The following AKAP8 variants were observed in gnomAD, a reference collection of about 807,000 sequenced individuals.
The protein encoded by AKAP8 is A-kinase anchoring protein 8.
Under a neutral mutation model 67.5 loss-of-function variants are expected in AKAP8, and 24 were observed. The ratio of observed to expected loss-of-function variants is 0.36; its 90% confidence interval spans 0.26 to 0.50. The LOEUF is 0.50. Ranked by LOEUF, AKAP8 falls within the 20% of genes least tolerant of loss-of-function variation. The probability of loss-of-function intolerance (pLI) is 0.97; values close to 1 mark genes in which losing one functional copy is unlikely to be tolerated. For synonymous variants in AKAP8, 400 were observed against 371.1 expected (o/e 1.08, Z -0.90); for missense variants, 971 against 955.9 (o/e 1.02, Z -0.21).
chr19:15,363,336 T>G (rs1453800716), intron 9 of AKAP8, among the ~76,000 whole-genome samples: 1 of 58,672 alleles, frequency 1.7e-5, no homozygotes, highest in African/African-American at 7.0e-5. Flanking sequence ...GGCCAGCCGC[T>G]CCGTCCGGGA....
At chr19:15,375,108 G>A (rs552751944) in intron 2 of AKAP8, among the ~76,000 whole-genome samples, 2 of 152,174 alleles carry the variant, frequency 1.3e-5, no homozygotes, top group South Asian at 2.1e-4. Flanking sequence ...CTGAAACACC[G>A]GGTGGTGGCT....
At chr19:15,371,804 AG>A (rs1967162525) in intron 7 of AKAP8, 147 bp downstream of exon 7, 1 of 898,832 alleles carries the variant, frequency 1.1e-6, no homozygotes, top group Non-Finnish European at 1.7e-6. Flanking sequence ...GAAAACTTTT[AG>A]AAATCTAGCT....
intron 2 of AKAP8, 134 bp from the exon 3 acceptor site, chr19:15,374,769 G>T: frequency 9.9e-7 from 1 of 1,008,934 alleles, no homozygotes; most frequent in East Asian, 2.7e-5. Flanking sequence ...AGACACCCTT[G>T]GGTGTTTTTA....
chr19:15,360,460 C>G (rs1382892321), intron 12 of AKAP8, among the ~76,000 whole-genome samples: 1 of 152,106 alleles, frequency 6.6e-6, no homozygotes, highest in Non-Finnish European at 1.5e-5. Flanking sequence ...AACACTTGAC[C>G]CCTGGGCTCA....
At chr19:15,367,041 G>A (rs1286774851) in intron 9 of AKAP8, among the ~76,000 whole-genome samples, 4 of 152,198 alleles carry the variant, frequency 2.6e-5, no homozygotes, top group Non-Finnish European at 5.9e-5. Flanking sequence ...CCGAGTAGCT[G>A]AGATTACAGG....
chr19:15,374,216 C>G, intron 3 of AKAP8, 151 bp from the exon 4 acceptor site: 1 of 1,007,436 alleles, frequency 9.9e-7, no homozygotes, highest in Non-Finnish European at 1.4e-6. Context: ...GCACTGTGAC[C>G]TGCCAAGAGG....
chr19:15,368,325 G>A lies in AKAP8; in HGVS notation c.1073-3C>T, dbSNP rs894650756. On this transcript the variant is annotated splice_polypyrimidine_tract_variant and splice_region_variant and intron_variant, in intron 8 of 13. Transcript: ENST00000269701. ...CTCGTCCTCGTCCTCCTTCTCTCCTGTAACAGACAAGTCCCTTCGAGACGC... is the reference window on the plus strand; with the variant it reads ...CTCGTCCTCGTCCTCCTTCTCTCCTATAACAGACAAGTCCCTTCGAGACGC... 3 of 1,613,460 alleles carry A rather than the reference G, an allele frequency of 1.9e-6. No homozygotes were observed. Among genetic ancestry groups the A allele is most frequent in the Non-Finnish European group, 2.5e-6 (3 of 1,179,970 alleles).
intron 2 of AKAP8, among the ~76,000 whole-genome samples, chr19:15,375,063 C>T (rs1422267146): frequency 6.6e-6 from 1 of 152,184 alleles, no homozygotes; most frequent in African/African-American, 2.4e-5. Flanking sequence ...AAAAAGAGGA[C>T]GTTATGTGCC....
At chr19:15,370,246 G>C in intron 7 of AKAP8, 67 bp from the exon 8 acceptor site, 2 of 1,582,790 alleles carry the variant, frequency 1.3e-6, no homozygotes, top group Non-Finnish European at 1.7e-6. Flanking sequence ...AACCAGCCCA[G>C]TCCCTGGCCA....
intron 4 of AKAP8, 29 bp from the exon 5 acceptor site, chr19:15,373,369 C>T (rs375145708): frequency 4.8e-5 from 75 of 1,571,428 alleles, no homozygotes; most frequent in South Asian, 8.3e-5. Context: ...CCATCAGGGG[C>T]GGTCACCCCG....
intron 7 of AKAP8, 35 bp downstream of exon 7, chr19:15,371,915 CCA>C (rs1361651375): frequency 1.9e-6 from 3 of 1,610,612 alleles, no homozygotes; most frequent in African/African-American, 2.7e-5. Context: ...AGAAGAAATC[CCA>C]CACTAGAGGC....
At chr19:15,361,053 C>A (rs549245685) in intron 11 of AKAP8, 75 bp from the exon 12 acceptor site, 1 of 1,540,232 alleles carries the variant, frequency 6.5e-7, no homozygotes, top group Admixed American at 1.8e-5. Flanking sequence ...TCTGGGCCCA[C>A]GTTTTCTCCC....
At chr19:15,372,444 C>A (rs899865929) in intron 5 of AKAP8, 97 bp from the exon 6 acceptor site, 5 of 1,476,716 alleles carry the variant, frequency 3.4e-6, no homozygotes, top group Non-Finnish European at 4.6e-6. Context: ...ACAACACAGG[C>A]ACAAAAGGTC....
chr19:15,379,240 C>A (rs1967321764), intron 1 of AKAP8: 1 of 159,270 alleles, frequency 6.3e-6, no homozygotes, highest in South Asian at 1.7e-4. Context: ...GGGAGAGAGG[C>A]GGCCCCCGCG....
chr19:15,354,867 C>G lies in AKAP8; in HGVS notation c.*48G>C. The G allele has an allele frequency of 6.3e-7, 1 of 1,594,350 alleles. No homozygotes were observed. The highest frequency in any genetic ancestry group is 8.6e-7 in the Non-Finnish European group (1 of 1,168,318). On this transcript the variant is annotated 3_prime_UTR_variant, in exon 14 of 14. Coordinates refer to ENST00000269701, the MANE Select transcript of AKAP8 (RefSeq NM_005858.4). ...TGCTTACAAACCAAGGGAGAAAGAC[C>G]AACGCATCCATCATCCCAACGCCTT...
rs1279577488 is a variant in AKAP8, at chr19:15,353,482, C to T, written c.*1433G>A. Reference sequence around the variant, plus strand: ...CTGCGATTAAGACGCATCTACACAACACAAACGGATGCTGAGCAGAAATGA... The same window carrying T: ...CTGCGATTAAGACGCATCTACACAATACAAACGGATGCTGAGCAGAAATGA... On this transcript the variant is annotated 3_prime_UTR_variant, in exon 14 of 14. Coordinates refer to ENST00000269701, the MANE Select transcript of AKAP8 (RefSeq NM_005858.4). 6.6e-6 allele frequency: 1 copy of T among 152,030 alleles called. No individual in the cohort carries two copies. Among genetic ancestry groups the T allele is most frequent in the East Asian group, 1.9e-4 (1 of 5,194 alleles). 9.4% of individuals were successfully genotyped at this position (152,030 alleles called of 1,614,324 possible). A position where few individuals can be genotyped will look rare whatever the true frequency, so the allele number is the denominator to read the frequency against.
intron 1 of AKAP8, chr19:15,379,252 TCCGCCCGCGGC>T (rs1249867139): frequency 6.3e-6 from 1 of 159,606 alleles, no homozygotes; most frequent in East Asian, 1.9e-4. Context: ...GCCCCCGCGG[TCCGCCCGCGGC>T]CCCAGACCCA....
At chr19:15,361,573 T>G in intron 11 of AKAP8, 156 bp downstream of exon 11, 3 of 600,612 alleles carry the variant, frequency 5.0e-6, no homozygotes, top group Non-Finnish European at 6.0e-6. Flanking sequence ...AGGATGGCCT[T>G]GATCTCCTGA....
chr19:15,376,261 G>A lies in AKAP8; in HGVS notation c.58+715C>T, dbSNP rs1322409690. 6.6e-5 allele frequency among the ~76,000 whole-genome samples: 10 copies of A among 152,212 alleles called. No homozygotes were observed. The South Asian group carries it at 8.3e-4, about 13-fold the overall frequency. ...AATGAGGCCAGGCGTGGTGGCTCAC[G>A]CCTGTAATCCCAGCACTTTGATTAT... On this transcript the variant is annotated intron_variant, in intron 2 of 13. Coordinates refer to ENST00000269701, the MANE Select transcript of AKAP8 (RefSeq NM_005858.4).
Sources: allele counts gnomAD v4.1 joint callset (sites outside exome capture counted in the v4.1 genomes callset), GRCh38; gene constraint gnomAD v4.1.1; transcripts MANE v1.5; gene names NCBI Gene and HGNC (gene_info 2026-07-23, HGNC 2026-07-21).